The following ESR1 variants were observed in gnomAD, a reference collection of about 807,000 sequenced individuals.
The protein encoded by ESR1 is estrogen receptor 1.
ESR1 carries 12 observed loss-of-function variants against 52.7 expected under a neutral mutation model. The observed-to-expected ratio is 0.23, with a 90% CI of 0.15 to 0.37. The LOEUF is 0.37. Ranked by LOEUF, ESR1 falls within the 10% of genes least tolerant of loss-of-function variation. The pLI is 1.00. For synonymous variants in ESR1, 305 were observed against 316.8 expected (o/e 0.96, Z 0.39); for missense variants, 584 against 779.7 (o/e 0.75, Z 2.99).
chr6:151,751,537 C>T (rs912757667), intron 2 of ESR1, among the ~76,000 whole-genome samples: 2 of 152,092 alleles, frequency 1.3e-5, no homozygotes, highest in African/African-American at 4.8e-5. Flanking sequence ...TTTATGAAAT[C>T]ACTGTTGATA....
chr6:151,733,904 C>G (rs964788083), intron 2 of ESR1, among the ~76,000 whole-genome samples: 13 of 152,166 alleles, frequency 8.5e-5, no homozygotes, highest in African/African-American at 3.1e-4. Flanking sequence ...AAACTTCTGC[C>G]CTCCACCGGA....
chr6:151,839,413 C>A (rs973032096), intron 1 of ESR1, among the ~76,000 whole-genome samples: 2 of 152,136 alleles, frequency 1.3e-5, no homozygotes, highest in African/African-American at 4.8e-5. Context: ...AATGGTGCAG[C>A]CACTGTGGAA....
chr6:151,918,194 A>G (rs572885580), intron 3 of ESR1, among the ~76,000 whole-genome samples: 41 of 152,266 alleles, frequency 2.7e-4, no homozygotes, highest in Non-Finnish European at 5.1e-4. Flanking sequence ...CCCTTCCCTC[A>G]TTGCTGAGTT....
At chr6:152,125,387 A>T (rs1257179602) in exon 7 of ESR1, 2 of 1,536,716 alleles carry the variant, frequency 1.3e-6, no homozygotes, top group Non-Finnish European at 1.8e-6. Flanking sequence ...CCTGCAGATC[A>T]TCAAATCCGT....
At chr6:151,959,342 G>T (rs1205245425) in intron 4 of ESR1, among the ~76,000 whole-genome samples, 4 of 152,122 alleles carry the variant, frequency 2.6e-5, no homozygotes, top group Admixed American at 1.3e-4. Context: ...GGAATCACTG[G>T]TGCGGCACAC....
intron 6 of ESR1, among the ~76,000 whole-genome samples, chr6:152,119,802 T>C (rs2051258635): frequency 6.6e-6 from 1 of 152,184 alleles, no homozygotes; most frequent in Non-Finnish European, 1.5e-5. Flanking sequence ...AGGATGCTCA[T>C]GGCCCCATAC....
At chr6:151,837,324 T>C (rs1388459357) in intron 1 of ESR1, among the ~76,000 whole-genome samples, 1 of 151,992 alleles carries the variant, frequency 6.6e-6, no homozygotes, top group Non-Finnish European at 1.5e-5. Context: ...GGTCTTGAAC[T>C]CCTGACCTCA....
intron 4 of ESR1, among the ~76,000 whole-genome samples, chr6:151,991,243 T>C (rs1015774231): frequency 6.6e-6 from 1 of 152,216 alleles, no homozygotes; most frequent in Non-Finnish European, 1.5e-5. Flanking sequence ...TTTGGAGATC[T>C]TGAATAGCCT....
intron 2 of ESR1, among the ~76,000 whole-genome samples, chr6:151,750,745 G>A (rs550599935): frequency 6.6e-6 from 1 of 152,222 alleles, no homozygotes; most frequent in Admixed American, 6.5e-5. Context: ...CGGGACTTGA[G>A]AATCAGGTAA....
At chr6:151,761,169 CAT>C (rs1206205272) in intron 2 of ESR1, among the ~76,000 whole-genome samples, 1 of 149,150 alleles carries the variant, frequency 6.7e-6, no homozygotes, top group Non-Finnish European at 1.5e-5. Flanking sequence ...TAGGTCAAAG[CAT>C]TAAAAAAAAA....
intron 2 of ESR1, among the ~76,000 whole-genome samples, chr6:151,774,476 G>C (rs1007072742): frequency 2.0e-5 from 3 of 152,230 alleles, no homozygotes; most frequent in Non-Finnish European, 2.9e-5. Flanking sequence ...ATTAGTCATG[G>C]ATGGTTAGTG....
intron 2 of ESR1, among the ~76,000 whole-genome samples, chr6:151,763,993 A>G (rs985733340): frequency 3.9e-5 from 6 of 152,188 alleles, no homozygotes; most frequent in Non-Finnish European, 7.4e-5. Context: ...CTGTGGGTAA[A>G]GGGAAGGAGG....
chr6:151,900,860 T>C (rs1465026229), intron 3 of ESR1, among the ~76,000 whole-genome samples: 1 of 152,170 alleles, frequency 6.6e-6, no homozygotes, highest in African/African-American at 2.4e-5. Flanking sequence ...GGGAGTGAAA[T>C]GGACTCTGCA....
At chr6:152,049,123 G>A (rs913645684) in intron 5 of ESR1, among the ~76,000 whole-genome samples, 1 of 152,198 alleles carries the variant, frequency 6.6e-6, no homozygotes, top group African/African-American at 2.4e-5. Context: ...CTTAAACTAT[G>A]TAAACTGAAC....
intron 2 of ESR1, among the ~76,000 whole-genome samples, chr6:151,877,862 T>G (rs1792117505): frequency 6.6e-6 from 1 of 152,140 alleles, no homozygotes; most frequent in Non-Finnish European, 1.5e-5. Flanking sequence ...CATGCTGGAG[T>G]GCAGTGGTGC....
rs541895194 is a variant in ESR1, at chr6:151,669,147, G to GGAGAGAGAGAGAGAGAGAGAGA, written n.73+12405_73+12426dup. On this transcript the variant is annotated intron_variant and non_coding_transcript_variant, in intron 1 of 2. Coordinates refer to the ESR1 transcript ENST00000473497. The stretch of plus-strand genomic sequence containing the variant: ...GTGGTAGGAAGCTCTTTGGGAGCTG[G>GGAGAGAGAGAGAGAGAGAGAGA]GAGAGAGAGAGAGAGAGAGAGAGAG... Among the ~76,000 whole-genome samples the GGAGAGAGAGAGAGAGAGAGAGA allele has an allele frequency of 1.3e-4, 9 of 69,296 alleles. 2 individuals are homozygous for GGAGAGAGAGAGAGAGAGAGAGA. The highest frequency in any genetic ancestry group is 4.2e-4 in the African/African-American group (5 of 11,968). The allele number at this position is 69,296 out of a possible 152,430, so 45.5% of individuals were successfully genotyped here.
chr6:151,735,861 A>T (rs564036017), intron 2 of ESR1, among the ~76,000 whole-genome samples: 1 of 152,140 alleles, frequency 6.6e-6, no homozygotes, highest in South Asian at 2.1e-4. Context: ...ATGGGGGGCA[A>T]TTCCCCCATG....
chr6:152,018,156 G>A (rs1405036302), intron 5 of ESR1, among the ~76,000 whole-genome samples: 1 of 151,954 alleles, frequency 6.6e-6, no homozygotes, highest in Non-Finnish European at 1.5e-5. Context: ...AAAACAGGTT[G>A]CTGCACCAGA....
intron 2 of ESR1, among the ~76,000 whole-genome samples, chr6:151,738,944 C>T (rs1402726174): frequency 6.6e-6 from 1 of 152,186 alleles, no homozygotes; most frequent in Non-Finnish European, 1.5e-5. Context: ...CCTCTGTTAG[C>T]TTAAAATATT....
Sources: gnomAD v4.1 joint callset for allele counts (sites outside exome capture counted in the v4.1 genomes callset) on GRCh38, gnomAD v4.1.1 for gene constraint, MANE v1.5 for transcripts, NCBI Gene and HGNC (gene_info 2026-07-23, HGNC 2026-07-21) for gene names.